Variants in DDX50 observed in about 807,000 individuals in gnomAD.
The protein encoded by DDX50 is DExD-box helicase 50, also known as ATP-dependent RNA helicase DDX50.
A neutral mutation model predicts 94.8 loss-of-function variants in DDX50; 56 were observed. That is an observed-to-expected ratio of 0.59 (90% CI 0.48 to 0.74). The LOEUF (loss-of-function observed/expected upper bound fraction) is 0.74, where lower values mean the gene tolerates loss of function less well. DDX50 is among the 30% of genes least tolerant of loss of function. The pLI is 0.00. For synonymous variants in DDX50, 264 were observed against 295.4 expected (o/e 0.89, Z 1.09); for missense variants, 713 against 881.2 (o/e 0.81, Z 2.42).
chr10:68,901,616 C>G (rs1841289523), intron 1 of DDX50, 145 bp downstream of exon 1: 1 of 826,358 alleles, frequency 1.2e-6, no homozygotes, highest in African/African-American at 1.8e-5. Flanking sequence ...CCTCTGGGGT[C>G]GCTCAGGGAC....
intron 8 of DDX50, among the ~76,000 whole-genome samples, chr10:68,926,705 A>G (rs574113789): frequency 6.6e-6 from 1 of 152,032 alleles, no homozygotes; most frequent in African/African-American, 2.4e-5. Flanking sequence ...CAGGCAACAC[A>G]GCAAGAACCC....
In DDX50 at chr10:68,941,280, G is replaced by T. The variant is rs1842547553; in HGVS notation, c.1890+86G>T. 2.0e-6 allele frequency: 3 copies of T among 1,524,990 alleles called. No individual in the cohort carries two copies. The Admixed American group carries it at 6.3e-5, about 32-fold the overall frequency. The allele number at this position is 1,524,990 out of a possible 1,614,324, so 94.5% of individuals were successfully genotyped here. On this transcript the variant is annotated intron_variant, in intron 13 of 14. Transcript: ENST00000373585. Reference sequence around the variant, plus strand: ...CTAGCAAATTTTGTTCTTTCTCTTTGAAGCCTAATGGCATGAATAATGCTG... The same window carrying T: ...CTAGCAAATTTTGTTCTTTCTCTTTTAAGCCTAATGGCATGAATAATGCTG...
chr10:68,909,398 C>G (rs1194900381), intron 2 of DDX50, among the ~76,000 whole-genome samples: 4 of 152,168 alleles, frequency 2.6e-5, no homozygotes, highest in African/African-American at 9.7e-5. Flanking sequence ...AAGAAATCTT[C>G]AAGCTTACGG....
chr10:68,943,395 T>C, intron 14 of DDX50, 138 bp downstream of exon 14: 1 of 708,960 alleles, frequency 1.4e-6, no homozygotes, highest in Non-Finnish European at 2.2e-6. Context: ...ATAACCAGTC[T>C]GTCTCAAACT....
intron 7 of DDX50, among the ~76,000 whole-genome samples, chr10:68,916,228 C>T (rs2132032688): frequency 6.6e-6 from 1 of 152,030 alleles, no homozygotes; most frequent in Non-Finnish European, 1.5e-5. Context: ...GTTGCGCACG[C>T]CTGTAGTCCC....
intron 1 of DDX50, among the ~76,000 whole-genome samples, chr10:68,904,260 A>G (rs933216854): frequency 4.6e-5 from 7 of 151,556 alleles, no homozygotes; most frequent in Admixed American, 1.3e-4. Flanking sequence ...ACAGTGAACC[A>G]TGGTTGAGCT....
chr10:68,936,856 C>G, intron 11 of DDX50, 80 bp from the exon 12 acceptor site: 1 of 1,370,526 alleles, frequency 7.3e-7, no homozygotes, highest in Non-Finnish European at 9.9e-7. Flanking sequence ...AAAAAAATTA[C>G]TCCTTCTTTT....
At chr10:68,902,190 C>CAAAA (rs35302047) in intron 1 of DDX50, among the ~76,000 whole-genome samples, 41 of 94,218 alleles carry the variant, frequency 4.4e-4, no homozygotes, top group East Asian at 7.2e-4. Context: ...CCCTGCCCTC[C>CAAAA]AAAAAAAAAA....
At chr10:68,904,144 CAAAA>C (rs34351981) in intron 1 of DDX50, among the ~76,000 whole-genome samples, 1 of 108,410 alleles carries the variant, frequency 9.2e-6, no homozygotes, top group African/African-American at 3.3e-5. Context: ...AACTCCGTCT[CAAAA>C]AAAAAAAAAA....
chr10:68,943,429 A>G (rs1213673348), intron 14 of DDX50, among the ~76,000 whole-genome samples, 172 bp downstream of exon 14: 1 of 152,032 alleles, frequency 6.6e-6, no homozygotes, highest in Non-Finnish European at 1.5e-5. Context: ...AAAGAGATGG[A>G]GTCTCTCTCA....
chr10:68,908,294 C>G (rs1841519122), intron 2 of DDX50, among the ~76,000 whole-genome samples: 1 of 151,530 alleles, frequency 6.6e-6, no homozygotes, highest in Non-Finnish European at 1.5e-5. Context: ...CTACTAAATA[C>G]AAAAAAATTA....
chr10:68,929,278 TTCCTTCCTTCCTTC>T (rs1842172271), intron 8 of DDX50, among the ~76,000 whole-genome samples: 1 of 81,790 alleles, frequency 1.2e-5, no homozygotes, highest in African/African-American at 4.2e-5. Context: ...CCTTCCTTCC[TTCCTTCCTTCCTTC>T]CTCTCTCTCT....
At chr10:68,933,195 A>G (rs1842318568) in intron 8 of DDX50, among the ~76,000 whole-genome samples, 2 of 152,032 alleles carry the variant, frequency 1.3e-5, no homozygotes, top group East Asian at 1.9e-4. Flanking sequence ...CAGCCTCCCA[A>G]GTAGCTGGAA....
At chr10:68,942,911 A>T (rs1842586161) in intron 13 of DDX50, among the ~76,000 whole-genome samples, 1 of 151,982 alleles carries the variant, frequency 6.6e-6, no homozygotes, top group Admixed American at 6.6e-5. Context: ...ATGAACTACC[A>T]CGCCTGGCCC....
chr10:68,936,100 G>A (rs774736247), intron 11 of DDX50, 21 bp downstream of exon 11: 5 of 1,583,260 alleles, frequency 3.2e-6, no homozygotes, highest in Non-Finnish European at 3.4e-6. Context: ...TGAACTTGCT[G>A]AATAATTGTT....
At chr10:68,902,973 C>T (rs1841334493) in intron 1 of DDX50, among the ~76,000 whole-genome samples, 1 of 152,198 alleles carries the variant, frequency 6.6e-6, no homozygotes, top group African/African-American at 2.4e-5. Flanking sequence ...CCTTATGTTT[C>T]ACTATGTTGT....
intron 8 of DDX50, among the ~76,000 whole-genome samples, chr10:68,932,332 T>C (rs1474132069): frequency 1.3e-5 from 2 of 152,198 alleles, no homozygotes; most frequent in East Asian, 1.9e-4. Context: ...CGATTACGGC[T>C]CACTGCAACT....
chr10:68,934,475 A>G lies in DDX50; in HGVS notation c.1401+115A>G, dbSNP rs1842355058. The G allele has an allele frequency of 7.1e-7, 1 of 1,401,262 alleles. No individual in the cohort carries two copies. The highest frequency in any genetic ancestry group is 9.7e-7 in the Non-Finnish European group (1 of 1,028,854). 86.8% of individuals were successfully genotyped at this position (1,401,262 alleles called of 1,614,324 possible). A position where few individuals can be genotyped will look rare whatever the true frequency, so the allele number is the denominator to read the frequency against. On this transcript the variant is annotated intron_variant, in intron 9 of 14. Coordinates refer to ENST00000373585, the MANE Select transcript of DDX50 (RefSeq NM_024045.2). The surrounding 1 kb of genome is among the most constrained non-coding windows in gnomAD (Gnocchi z 4.0). ...ATGTCATCTCTTCTTGCTCTTAGCCATTTTTTGTTAGTGTGCTATTAAATT... is the reference window on the plus strand; with the variant it reads ...ATGTCATCTCTTCTTGCTCTTAGCCGTTTTTTGTTAGTGTGCTATTAAATT...
intron 12 of DDX50, among the ~76,000 whole-genome samples, chr10:68,939,249 A>G (rs1279879256): frequency 6.6e-6 from 1 of 152,194 alleles, no homozygotes; most frequent in Non-Finnish European, 1.5e-5. Context: ...CAGATATCCT[A>G]TCCCTAGTAA....
Sources: allele counts gnomAD v4.1 joint callset (sites outside exome capture counted in the v4.1 genomes callset), GRCh38; gene constraint gnomAD v4.1.1; non-coding constraint Gnocchi (gnomAD v3.1); transcripts MANE v1.5; gene names NCBI Gene and HGNC (gene_info 2026-07-23, HGNC 2026-07-21).